The following ABHD2 variants were observed in gnomAD, a reference collection of about 807,000 sequenced individuals.
ABHD2 encodes monoacylglycerol lipase ABHD2.
A neutral mutation model predicts 48.1 loss-of-function variants in ABHD2; 20 were observed. The ratio of observed to expected loss-of-function variants is 0.42; its 90% CI spans 0.29 to 0.60. The LOEUF (loss-of-function observed/expected upper bound fraction) is 0.60. Among genes scored for constraint, ABHD2 ranks in the 20% least tolerant of loss-of-function variants. The pLI, the probability that ABHD2 is intolerant of heterozygous loss-of-function variation, is 0.24. For synonymous variants in ABHD2, 209 were observed against 214.2 expected (o/e 0.98, Z 0.21); for missense variants, 405 against 550.9 (o/e 0.74, Z 2.65).
chr15:89,061,420 G>GA, the ABHD2 span, among the ~76,000 whole-genome samples: 7 of 149,924 alleles, frequency 4.7e-5, no homozygotes, highest in Non-Finnish European at 8.9e-5. Flanking sequence ...TTCCATCTCG[G>GA]AAAAAAAAAG....
chr15:89,146,355 CGTGTGTGTGT>C lies in ABHD2; in HGVS notation c.195-5287_195-5278del, dbSNP rs4032279. On this transcript the variant is annotated intron_variant, in intron 3 of 10. Coordinates refer to ENST00000352732, the MANE Select transcript of ABHD2 (RefSeq NM_152924.5). The surrounding 1 kb of genome is among the most constrained non-coding windows in gnomAD (Gnocchi z 4.2). The stretch of plus-strand genomic sequence containing the variant: ...TGAGCTTCATCTGCTCAAAGACGTA[CGTGTGTGTGT>C]GTGTGTGTGTGTGTGTGTGTGTGTG... Among the ~76,000 whole-genome samples, 369 of 121,576 alleles carry C rather than the reference CGTGTGTGTGT, an allele frequency of 3.0e-3. 2 individuals carry two copies. The highest frequency in any genetic ancestry group is 7.5e-3 in the East Asian group (32 of 4,256). 79.8% of individuals were successfully genotyped at this position (121,576 alleles called of 152,430 possible).
At chr15:89,134,133 C>T (rs2050265437) in intron 3 of ABHD2, among the ~76,000 whole-genome samples, 2 of 152,250 alleles carry the variant, frequency 1.3e-5, no homozygotes, top group South Asian at 2.1e-4. Flanking sequence ...CCACGGCGCC[C>T]GGCCGCATAA....
Position 89,195,282 on chromosome 15 carries a change from C to CT in ABHD2, c.1140dup (p.Glu381Ter), listed in dbSNP as rs1567115519. 1 of 1,614,208 alleles carries CT rather than the reference C, an allele frequency of 6.2e-7. No homozygotes were observed. Among genetic ancestry groups the CT allele is most frequent in the Non-Finnish European group, 8.5e-7 (1 of 1,180,028 alleles). Reference sequence around the variant, plus strand: ...CTCTGCATGGGGGCCACTTGGGCTTCTTTGAGGGCTCTGTGCTGTTCCCCG... The same window carrying CT: ...CTCTGCATGGGGGCCACTTGGGCTTCTTTTGAGGGCTCTGTGCTGTTCCCCG... On this transcript the variant is annotated frameshift_variant, in exon 11 of 11. Coordinates refer to ENST00000352732, the MANE Select transcript of ABHD2 (RefSeq NM_152924.5). LOFTEE classifies it high-confidence loss of function. This position sits in a 1 kb window ranked among gnomAD's most constrained non-coding sequence, Gnocchi z 5.1.
At chr15:89,112,335 T>A (rs990264556) in intron 1 of ABHD2, among the ~76,000 whole-genome samples, 4 of 152,238 alleles carry the variant, frequency 2.6e-5, no homozygotes, top group Admixed American at 6.5e-5. Flanking sequence ...TAATTTTTTT[T>A]AAATGCCAGC....
chr15:89,093,437 C>T (rs1338027560), intron 1 of ABHD2, among the ~76,000 whole-genome samples: 1 of 152,098 alleles, frequency 6.6e-6, no homozygotes, highest in Non-Finnish European at 1.5e-5. Flanking sequence ...TCCCAAAGTG[C>T]TGGGATTACA....
At chr15:89,172,594 A>G (rs2150923409) in intron 5 of ABHD2, among the ~76,000 whole-genome samples, 1 of 152,350 alleles carries the variant, frequency 6.6e-6, no homozygotes, top group South Asian at 2.1e-4. Context: ...GGGTATACTT[A>G]CATATTTTTA....
chr15:89,061,267 A>C, the ABHD2 span, among the ~76,000 whole-genome samples: 1 of 151,710 alleles, frequency 6.6e-6, no homozygotes, highest in African/African-American at 2.4e-5. Flanking sequence ...AAAATACAAA[A>C]ATTAGCCAGG....
chr15:89,160,169 G>A (rs2050740165), intron 5 of ABHD2, among the ~76,000 whole-genome samples: 1 of 152,254 alleles, frequency 6.6e-6, no homozygotes, highest in African/African-American at 2.4e-5. Context: ...TGGAAAAGGA[G>A]CAATCCTTCA....
At chr15:89,076,135 T>C in the ABHD2 span, among the ~76,000 whole-genome samples, 2 of 152,334 alleles carry the variant, frequency 1.3e-5, no homozygotes, top group South Asian at 4.1e-4. Flanking sequence ...TTTAAAAATA[T>C]GGAGCCAAGG....
At position 89,201,168 on chromosome 15, in the gene ABHD2, C is replaced by G; in HGVS notation, c.*5745C>G. 1.4e-6 allele frequency: 2 copies of G among 1,453,206 alleles called. No individual in the cohort carries two copies. Among genetic ancestry groups the G allele is most frequent in the Non-Finnish European group, 1.9e-6 (2 of 1,035,152 alleles). 90.0% of individuals were successfully genotyped at this position (1,453,206 alleles called of 1,614,324 possible). ...AGACTGGTGACATCTCTGAAGGATG[C>G]AGTTGAGGTTGATCCAGGTTTATCC... On this transcript the variant is annotated 3_prime_UTR_variant, in exon 11 of 11. Coordinates refer to ENST00000352732, the MANE Select transcript of ABHD2 (RefSeq NM_152924.5).
At chr15:89,057,226 T>C in the ABHD2 span, among the ~76,000 whole-genome samples, 1 of 152,172 alleles carries the variant, frequency 6.6e-6, no homozygotes, top group Admixed American at 6.5e-5. Context: ...CGTGATACCA[T>C]TTTTAAAAGT....
chr15:89,118,869 T>C, intron 3 of ABHD2, among the ~76,000 whole-genome samples: 1 of 152,196 alleles, frequency 6.6e-6, no homozygotes, highest in Admixed American at 6.5e-5. Context: ...TTCTCTTTGC[T>C]TTTTTCCCTC....
chr15:89,180,649 A>G (rs2051094500), intron 6 of ABHD2, among the ~76,000 whole-genome samples: 1 of 152,096 alleles, frequency 6.6e-6, no homozygotes, highest in Non-Finnish European at 1.5e-5. Flanking sequence ...AGGCTCTACC[A>G]TCCCTCCTCC....
rs756864538 is a variant in ABHD2 at position 89,184,259 on chromosome 15, T to C, written c.723-1165T>C. Among the ~76,000 whole-genome samples, 41 of 152,158 alleles carry C rather than the reference T, an allele frequency of 2.7e-4. No individual in the cohort carries two copies. Among genetic ancestry groups the C allele is most frequent in the Non-Finnish European group, 4.4e-4 (30 of 68,034 alleles). ...ACTGTGGAATTTTGCCATTCTAAAA[T>C]TGTAGCAGCTTTGGGGAAATTACTT... On this transcript the variant is annotated intron_variant, in intron 6 of 10. Transcript: ENST00000352732. This position sits in a 1 kb window ranked among gnomAD's most constrained non-coding sequence, Gnocchi z 5.1.
At chr15:89,073,674 C>T in the ABHD2 span, among the ~76,000 whole-genome samples, 1 of 152,096 alleles carries the variant, frequency 6.6e-6, no homozygotes, top group Admixed American at 6.5e-5. Flanking sequence ...TCTAACCATG[C>T]GAAGCATCTC....
chr15:89,066,632 A>G, the ABHD2 span, among the ~76,000 whole-genome samples: 5 of 152,152 alleles, frequency 3.3e-5, no homozygotes, highest in Non-Finnish European at 5.9e-5. Flanking sequence ...TTCCTTCCCA[A>G]GGCCTGGAGG....
chr15:89,088,674 G>C lies in ABHD2; in HGVS notation c.-107+111G>C, dbSNP rs1302189582. The stretch of plus-strand genomic sequence containing the variant: ...GCGTAGCTCGGCCCATCACGCCGCA[G>C]CCTGAGGGGATCCTGGGGGGCCTGT... On this transcript the variant is annotated intron_variant, in intron 1 of 10. Coordinates refer to ENST00000352732, the MANE Select transcript of ABHD2 (RefSeq NM_152924.5). The surrounding 1 kb of genome is among the most constrained non-coding windows in gnomAD (Gnocchi z 6.8). The C allele has an allele frequency of 6.6e-6, 1 of 152,414 alleles. No individual in the cohort carries two copies. Among genetic ancestry groups the C allele is most frequent in the Non-Finnish European group, 1.5e-5 (1 of 68,178 alleles). 9.4% of individuals were successfully genotyped at this position (152,414 alleles called of 1,614,324 possible).
chr15:89,121,834 A>G (rs774298041), intron 3 of ABHD2, among the ~76,000 whole-genome samples: 1 of 151,960 alleles, frequency 6.6e-6, no homozygotes, highest in Non-Finnish European at 1.5e-5. Context: ...AATAGCATCA[A>G]TTCTGCTTTT....
At chr15:89,084,386 G>A (rs140647943), upstream of ABHD2, among the ~76,000 whole-genome samples, 37 of 152,192 alleles carry the variant, frequency 2.4e-4, no homozygotes, top group East Asian at 2.5e-3. This position sits in a 1 kb window ranked among gnomAD's most constrained non-coding sequence, Gnocchi z 4.4. Context: ...TGCATCCGCC[G>A]CCTCCTAGGT....
Sources: allele counts gnomAD v4.1 joint callset (sites outside exome capture counted in the v4.1 genomes callset), GRCh38; gene constraint gnomAD v4.1.1; non-coding constraint Gnocchi (gnomAD v3.1); transcripts MANE v1.5; gene names NCBI Gene and HGNC (gene_info 2026-07-23, HGNC 2026-07-21).